Variants in PDCD2L observed in about 807,000 individuals in gnomAD.
The protein encoded by PDCD2L is uS5 assembly chaperone PDCD2L.
In PDCD2L, 44 loss-of-function variants were observed where a neutral mutation model predicts 40.4. That is an observed-to-expected ratio of 1.09 (90% CI 0.86 to 1.40). PDCD2L has a LOEUF of 1.40. Ranked by LOEUF, PDCD2L falls within the 40% of genes most tolerant of loss-of-function variation. PDCD2L has a pLI of 0.00. For missense variants in PDCD2L, 470 were observed against 453.7 expected (o/e 1.04, Z -0.33); for synonymous variants, 194 against 174.6 (o/e 1.11, Z -0.88).
rs1340351434 is a variant in PDCD2L at position 34,409,408 on chromosome 19, AG to A, written c.586del (p.Asp196MetfsTer16). The A allele has an allele frequency of 6.2e-7, 1 of 1,614,054 alleles. No individual in the cohort carries two copies. Among genetic ancestry groups the A allele is most frequent in the Non-Finnish European group, 8.5e-7 (1 of 1,180,026 alleles). ...CCCTACTACATCTGTGTTGCAGATG[AG>A]GATGATTACAGGGACTTTGTCAACC... Reference protein sequence around the residue: ...FLPYYICVADEDDYRDFVNLD... With the variant: ...FLPYYICVADXDDYRDFVNLD... On this transcript the variant is annotated frameshift_variant, in exon 4 of 7. Transcript: ENST00000246535. LOFTEE classifies it high-confidence loss of function.
intron 5 of PDCD2L, among the ~76,000 whole-genome samples, chr19:34,419,773 C>CCTTT (rs1431467148): frequency 2.7e-5 from 1 of 36,630 alleles, no homozygotes; most frequent in Non-Finnish European, 4.7e-5. Context: ...CTTTATGTTG[C>CCTTT]TTTTTTTTTT....
chr19:34,420,845 C>T (rs2075147514), intron 5 of PDCD2L, among the ~76,000 whole-genome samples: 1 of 150,950 alleles, frequency 6.6e-6, no homozygotes, highest in Non-Finnish European at 1.5e-5. Context: ...CCCTCTAAGG[C>T]AGAGGTCCCC....
chr19:34,413,046 A>T (rs1484799676), intron 4 of PDCD2L, among the ~76,000 whole-genome samples: 1 of 142,520 alleles, frequency 7.0e-6, no homozygotes, highest in African/African-American at 2.6e-5. Context: ...GGCCTGAGAA[A>T]TTTTTTTTTG....
chr19:34,418,110 TA>T (rs1249905007), intron 5 of PDCD2L, among the ~76,000 whole-genome samples: 1 of 152,238 alleles, frequency 6.6e-6, no homozygotes, highest in Admixed American at 6.5e-5. Flanking sequence ...TGTTTACATT[TA>T]TTTTTCAGCA....
chr19:34,420,410 C>A (rs1053301644), intron 5 of PDCD2L, among the ~76,000 whole-genome samples: 7 of 150,566 alleles, frequency 4.6e-5, no homozygotes, highest in Non-Finnish European at 1.0e-4. Flanking sequence ...CATTAACTTT[C>A]TTTATGGGGT....
At chr19:34,411,133 G>C (rs994372823) in intron 4 of PDCD2L, among the ~76,000 whole-genome samples, 7 of 142,996 alleles carry the variant, frequency 4.9e-5, no homozygotes, top group Admixed American at 3.5e-4. Context: ...GCTTATTTTT[G>C]GTGGGTTTCT....
intron 6 of PDCD2L, among the ~76,000 whole-genome samples, chr19:34,424,911 A>C (rs2075169298): frequency 6.6e-6 from 1 of 151,714 alleles, no homozygotes; most frequent in Non-Finnish European, 1.5e-5. Context: ...CGCCCAGCTA[A>C]TTTTTTGTAT....
chr19:34,411,331 G>A (rs1008069256), intron 4 of PDCD2L, among the ~76,000 whole-genome samples: 11 of 145,790 alleles, frequency 7.5e-5, no homozygotes, highest in South Asian at 2.2e-4. Flanking sequence ...CCTCTCCCTC[G>A]CCGGCTTAAG....
At position 34,404,632 on chromosome 19, in the gene PDCD2L, C is replaced by T. The variant is rs201661178; in HGVS notation, c.109-17C>T. On this transcript the variant is annotated splice_polypyrimidine_tract_variant and intron_variant, in intron 1 of 6. Coordinates refer to ENST00000246535, the MANE Select transcript of PDCD2L (RefSeq NM_032346.2). ...CTGGGGGGAGTCGGGGTCTGAGCGCCTCCTCTGTCCCCTCAGGATGCTCTG... is the reference window on the plus strand; with the variant it reads ...CTGGGGGGAGTCGGGGTCTGAGCGCTTCCTCTGTCCCCTCAGGATGCTCTG... The T allele has an allele frequency of 2.8e-4, 442 of 1,606,950 alleles. 2 individuals are homozygous for T. Among genetic ancestry groups the T allele is most frequent in the Non-Finnish European group, 4.8e-5 (57 of 1,177,760 alleles).
intron 5 of PDCD2L, among the ~76,000 whole-genome samples, chr19:34,417,187 C>T (rs1452748190): frequency 6.6e-6 from 1 of 152,076 alleles, no homozygotes; most frequent in African/African-American, 2.4e-5. Context: ...TGTATAAGAA[C>T]TTCATAAGAA....
At chr19:34,418,001 C>T (rs1241771157) in intron 5 of PDCD2L, among the ~76,000 whole-genome samples, 1 of 152,044 alleles carries the variant, frequency 6.6e-6, no homozygotes, top group Non-Finnish European at 1.5e-5. Context: ...GTGGTATTTC[C>T]TTGTGGTTTG....
chr19:34,404,712 C>G lies in PDCD2L; in HGVS notation c.172C>G (p.Leu58Val), dbSNP rs573891415. Residue 58 changes from leucine (L) to valine (V), a missense_variant, in exon 2 of 7, where the codon CTG (leucine) becomes GTG (valine). By Grantham distance (32) the Leu-to-Val change is conservative. Transcript: ENST00000246535. Reference protein sequence around the residue: ...VCQRCGQPLALVVQVYCPLEG... With the variant: ...VCQRCGQPLAVVVQVYCPLEG... ...TCAGCGCTGCGGGCAGCCGCTCGCT[C>G]TGGTCGTGCAGGTGTATTGCCCGCT... The G allele has an allele frequency of 5.6e-6, 9 of 1,612,402 alleles. No individual in the cohort carries two copies. Among genetic ancestry groups the G allele is most frequent in the African/African-American group, 1.3e-5 (1 of 75,050 alleles).
chr19:34,413,848 G>C lies in PDCD2L; in HGVS notation c.797+1G>C. 6.5e-7 allele frequency: 1 copy of C among 1,529,474 alleles called. No individual in the cohort carries two copies. The highest frequency in any genetic ancestry group is 1.2e-5 in the South Asian group (1 of 86,842). 94.7% of individuals were successfully genotyped at this position (1,529,474 alleles called of 1,614,324 possible). On this transcript the variant is annotated splice_donor_variant, in intron 5 of 6. Transcript: ENST00000246535. LOFTEE classifies it high-confidence loss of function. ...CTGCTTGTCAGGAGCAGATTTTGAG[G>C]TAAAAAAAGGCACAGTTCCTTTTAT...
intron 6 of PDCD2L, chr19:34,421,885 C>T (rs181869674): frequency 3.8e-4 from 148 of 386,970 alleles, no homozygotes; most frequent in African/African-American, 2.4e-3. Context: ...GTCAGGAGAT[C>T]GAGGCCATCC....
rs1568361403 is a variant in PDCD2L at position 34,421,563 on chromosome 19, C to G, written c.842C>G (p.Ser281Ter). ...GEPLFLTCPT[S>*]EVTELPACSQ... ...CCACTCTTTTTGACCTGCCCTACAT[C>G]AGAAGTCACCGAGCTCCCAGCCTGC... The change falls in exon 6 of 7, where the codon TCA becomes TGA. Residue 281 changes from serine to a stop codon, truncating the protein, a stop_gained. Coordinates refer to ENST00000246535, the MANE Select transcript of PDCD2L (RefSeq NM_032346.2). LOFTEE classifies it high-confidence loss of function. The G allele has an allele frequency of 6.2e-7, 1 of 1,614,086 alleles. No individual in the cohort carries two copies.
chr19:34,416,759 G>A (rs1367840984), intron 5 of PDCD2L, among the ~76,000 whole-genome samples: 1 of 152,114 alleles, frequency 6.6e-6, no homozygotes, highest in Non-Finnish European at 1.5e-5. Flanking sequence ...TAATCATACT[G>A]TGGCAAGAAC....
intron 5 of PDCD2L, among the ~76,000 whole-genome samples, chr19:34,419,773 CTT>C (rs754032924): frequency 5.5e-5 from 2 of 36,638 alleles, no homozygotes; most frequent in African/African-American, 1.1e-4. Flanking sequence ...CTTTATGTTG[CTT>C]TTTTTTTTTT....
chr19:34,414,993 T>C (rs2075120958), intron 5 of PDCD2L, among the ~76,000 whole-genome samples: 1 of 152,152 alleles, frequency 6.6e-6, no homozygotes, highest in Non-Finnish European at 1.5e-5. Context: ...AGATGGGATC[T>C]GATCATGTTG....
intron 6 of PDCD2L, 28 bp downstream of exon 6, chr19:34,421,695 T>C (rs746069351): frequency 3.1e-5 from 49 of 1,561,512 alleles, no homozygotes; most frequent in Non-Finnish European, 4.0e-5. Flanking sequence ...AATTTGAGTT[T>C]GTGGATTTCT....
Sources: gnomAD v4.1 joint callset for allele counts (sites outside exome capture counted in the v4.1 genomes callset) on GRCh38, gnomAD v4.1.1 for gene constraint, MANE v1.5 for transcripts, NCBI Gene and HGNC (gene_info 2026-07-23, HGNC 2026-07-21) for gene names.